The following MESP1 variants were observed in gnomAD, a reference collection of about 807,000 sequenced individuals.
MESP1 encodes the protein mesoderm posterior bHLH transcription factor 1, also known as mesoderm posterior protein 1.
MESP1 carries 22 observed loss-of-function variants against 15.2 expected under a neutral mutation model. That is an observed-to-expected ratio of 1.45 (90% CI 1.04 to 2.07). The LOEUF (loss-of-function observed/expected upper bound fraction) is 2.07, where lower values mean the gene tolerates loss of function less well. Among genes scored for constraint, MESP1 ranks in the 30% most tolerant of loss-of-function variants. The pLI, the probability that MESP1 is intolerant of heterozygous loss-of-function variation, is 0.00. For synonymous variants in MESP1, 216 were observed against 192.6 expected, an observed-to-expected ratio of 1.12 and a Z score of -1.01; for missense variants, 484 against 411.9, an observed-to-expected ratio of 1.17 and a Z score of -1.51.
chr15:89,734,451 A>T, the MESP1 span, among the ~76,000 whole-genome samples: 86 of 152,302 alleles, frequency 5.6e-4, no homozygotes, highest in African/African-American at 2.0e-3. Context: ...TGGTAGTCTA[A>T]GGGCTCCTAG....
At chr15:89,745,378 T>G (rs953883870), downstream of MESP1, among the ~76,000 whole-genome samples, 1 of 152,170 alleles carries the variant, frequency 6.6e-6, no homozygotes, top group Non-Finnish European at 1.5e-5. The surrounding 1 kb of genome is among the most constrained non-coding windows in gnomAD (Gnocchi z 4.8). Flanking sequence ...CTCCAGCCAC[T>G]TCCGCCTGTG....
chr15:89,742,531 T>G, the MESP1 span, among the ~76,000 whole-genome samples: 3 of 152,078 alleles, frequency 2.0e-5, no homozygotes, highest in African/African-American at 7.2e-5. Context: ...TTTAAACAAC[T>G]CTTACTTTTT....
At chr15:89,736,366 A>G in the MESP1 span, among the ~76,000 whole-genome samples, 1 of 152,080 alleles carries the variant, frequency 6.6e-6, no homozygotes, top group Non-Finnish European at 1.5e-5. Context: ...CCCCCAGGGG[A>G]GGCTCCAAGA....
In MESP1 at chr15:89,750,206, C is replaced by T; in HGVS notation, c.745G>A (p.Ala249Thr). 1 of 1,614,096 alleles carries T rather than the reference C, an allele frequency of 6.2e-7. No homozygotes were observed. The highest frequency in any genetic ancestry group is 1.1e-5 in the South Asian group (1 of 91,088). Residue 249 changes from alanine to threonine, a missense_variant, in exon 2 of 2, where the codon GCT becomes ACT. Transcript: ENST00000300057. ...PSPLLPGDVL[A>T]LLETWMPLSP... ...AGGGGCATCCAGGTCTCCAACAGAG[C>T]CAGCACGTCGCCCGGAAGGAGCTGT...
At chr15:89,743,640 T>C in the MESP1 span, 1 of 527,620 alleles carries the variant, frequency 1.9e-6, no homozygotes, top group Non-Finnish European at 3.4e-6. Context: ...GTCTCCAGAC[T>C]CCCAAGTTGC....
chr15:89,746,335 CCA>C (rs1200432733), downstream of MESP1, among the ~76,000 whole-genome samples: 2 of 143,840 alleles, frequency 1.4e-5, no homozygotes, highest in East Asian at 4.0e-4. Context: ...ATCCACACCT[CCA>C]CACATCCACA....
the MESP1 span, among the ~76,000 whole-genome samples, chr15:89,742,352 G>T: frequency 6.6e-6 from 1 of 151,964 alleles, no homozygotes; most frequent in Admixed American, 6.6e-5. Context: ...TCCTCTTCCT[G>T]TTTGCCTAAG....
chr15:89,742,610 T>C, the MESP1 span, among the ~76,000 whole-genome samples: 3,215 of 152,304 alleles, frequency 0.021, 123 homozygotes, highest in African/African-American at 0.074. Context: ...CTTGGCTCAC[T>C]GCAACCTCCA....
downstream of MESP1, among the ~76,000 whole-genome samples, chr15:89,745,026 C>CA (rs1967901327): frequency 6.6e-6 from 1 of 152,156 alleles, no homozygotes; most frequent in South Asian, 2.1e-4. This position sits in a 1 kb window ranked among gnomAD's most constrained non-coding sequence, Gnocchi z 4.8. Context: ...TTCCCACCCC[C>CA]AAACCAAGGA....
the MESP1 span, among the ~76,000 whole-genome samples, chr15:89,740,345 C>G: frequency 6.6e-6 from 1 of 152,076 alleles, no homozygotes; most frequent in Non-Finnish European, 1.5e-5. Context: ...CGGTACCTCC[C>G]GGAGGGAAAT....
At chr15:89,739,464 T>G in the MESP1 span, among the ~76,000 whole-genome samples, 25 of 152,300 alleles carry the variant, frequency 1.6e-4, no homozygotes, top group African/African-American at 5.3e-4. Flanking sequence ...CTCTTTCCAC[T>G]CTCCCTAATC....
the MESP1 span, among the ~76,000 whole-genome samples, chr15:89,736,860 T>C: frequency 8.4e-4 from 128 of 151,576 alleles, 1 homozygote; most frequent in Middle Eastern, 6.8e-3. Context: ...GGTGCAATCT[T>C]GGCTCACTGC....
chr15:89,747,050 G>GCACA (rs142029540), downstream of MESP1, among the ~76,000 whole-genome samples: 34,207 of 105,294 alleles, frequency 0.32, 4,928 homozygotes, highest in Middle Eastern at 0.54. Flanking sequence ...ACATGCGCAT[G>GCACA]CACACACACA....
chr15:89,743,443 C>T, the MESP1 span: 2 of 1,573,612 alleles, frequency 1.3e-6, no homozygotes, highest in Middle Eastern at 1.8e-4. Context: ...CACGAGGCAG[C>T]TGCTCCCAGG....
the MESP1 span, among the ~76,000 whole-genome samples, chr15:89,740,565 G>C: frequency 6.6e-6 from 1 of 152,134 alleles, no homozygotes; most frequent in African/African-American, 2.4e-5. Context: ...GCACTGGCGC[G>C]ATCTCGGCTC....
the MESP1 span, chr15:89,743,380 T>C: frequency 6.2e-7 from 1 of 1,614,094 alleles, no homozygotes; most frequent in Non-Finnish European, 8.5e-7. Context: ...GAGAGAGAAC[T>C]TCAAGAAGTG....
Position 89,750,583 on chromosome 15 carries a change from G to T in MESP1, c.649C>A (p.Arg217Ser). The T allele has an allele frequency of 7.1e-7, 1 of 1,416,324 alleles. No homozygotes were observed. The highest frequency in any genetic ancestry group is 1.5e-5 in the South Asian group (1 of 65,128). 87.7% of individuals were successfully genotyped at this position (1,416,324 alleles called of 1,614,324 possible). The stretch of plus-strand genomic sequence containing the variant: ...TCGGCGAACAGCGCAGGCGGGTCGC[G>T]CGGCTCGGGTGCAGCTCGGGCTCCG... ...CPGARAAPEP[R>S]DPPALFAEAA... is the part of the protein sequence containing the mutation. The change falls in exon 1 of 2, where the codon CGC (arginine) becomes AGC (serine). Residue 217 changes from arginine (R) to serine (S), a missense_variant. By Grantham distance (110) the Arg-to-Ser change is moderately radical. Transcript: ENST00000300057.
At chr15:89,735,647 GC>G in the MESP1 span, 16 of 1,328,106 alleles carry the variant, frequency 1.2e-5, no homozygotes, top group Non-Finnish European at 1.5e-5. Context: ...CTTATTGAAG[GC>G]CTGTTATGTG....
the MESP1 span, chr15:89,737,996 GA>G: frequency 6.4e-7 from 1 of 1,554,920 alleles, no homozygotes; most frequent in Non-Finnish European, 8.7e-7. Flanking sequence ...AGCCCACTGA[GA>G]AAGCGATTGT....
Sources: gnomAD v4.1 joint callset for allele counts (sites outside exome capture counted in the v4.1 genomes callset) on GRCh38, gnomAD v4.1.1 for gene constraint, Gnocchi (gnomAD v3.1) non-coding constraint, MANE v1.5 for transcripts, NCBI Gene and HGNC (gene_info 2026-07-23, HGNC 2026-07-21) for gene names.